The following AQP10 variants were observed in gnomAD, a reference collection of about 807,000 sequenced individuals.
AQP10 encodes the protein aquaporin-10.
Under a neutral mutation model 21.0 loss-of-function variants are expected in AQP10, and 15 were observed. The observed-to-expected ratio is 0.71, with a 90% CI of 0.48 to 1.10. The LOEUF (loss-of-function observed/expected upper bound fraction) is 1.10. Among genes scored for constraint, AQP10 ranks in the 50% least tolerant of loss-of-function variants. The probability of loss-of-function intolerance (pLI) is 0.00; values close to 1 mark genes in which losing one functional copy is unlikely to be tolerated. For missense variants in AQP10, 268 were observed against 379.5 expected, an observed-to-expected ratio of 0.71 and a Z score of 2.44; for synonymous variants, 143 against 155.7, an observed-to-expected ratio of 0.92 and a Z score of 0.61.
chr1:154,324,363 G>C lies in AQP10; in HGVS notation c.789G>C (p.Leu263Phe). The change falls in exon 6 of 6, where the codon TTG (leucine) becomes TTC (phenylalanine). Residue 263 changes from leucine to phenylalanine, a missense_variant. This residue lies in a region of AQP10 where 229 missense variants were observed against 295.1 expected (regional missense o/e 0.78). Coordinates refer to ENST00000324978, the MANE Select transcript of AQP10 (RefSeq NM_080429.3). ...ATVGTATYQLLVALHHPEGPE... is the reference protein window; with the variant it reads ...ATVGTATYQLFVALHHPEGPE... ...TTGGCACAGCCACTTACCAGCTGTT[G>C]GTGGCTCTGCACCACCCTGAGGGCC... is the stretch of plus-strand genomic sequence containing the variant. The C allele has an allele frequency of 6.2e-7, 1 of 1,611,808 alleles. No individual in the cohort carries two copies. Among genetic ancestry groups the C allele is most frequent in the African/African-American group, 1.3e-5 (1 of 74,950 alleles).
In AQP10 at chr1:154,323,399, C is replaced by T. The variant is rs1354424794; in HGVS notation, c.489+40C>T. On this transcript the variant is annotated intron_variant, in intron 4 of 5. Coordinates refer to ENST00000324978, the MANE Select transcript of AQP10 (RefSeq NM_080429.3). This position sits in a 1 kb window ranked among gnomAD's most constrained non-coding sequence, Gnocchi z 4.5. ...GAGACCTGGGGACACTACTTTGGTC[C>T]TGTTCCTCGGCACCCCAGCCTATTG... The T allele has an allele frequency of 6.3e-7, 1 of 1,591,304 alleles. No homozygotes were observed. Among genetic ancestry groups the T allele is most frequent in the Non-Finnish European group, 8.6e-7 (1 of 1,161,314 alleles).
Position 154,324,474 on chromosome 1 carries a change from GC to G in AQP10, c.901del (p.Leu301TyrfsTer3). ...PASAQMLECK[L>X] ...CCTCAGCTCAGATGCTGGAGTGTAA[GC>G]TATGATTAGGACAACCCTCACTTCA... On this transcript the variant is annotated frameshift_variant, in exon 6 of 6. Coordinates refer to ENST00000324978, the MANE Select transcript of AQP10 (RefSeq NM_080429.3). LOFTEE classifies it high-confidence loss of function. 1 of 1,613,240 alleles carries G rather than the reference GC, an allele frequency of 6.2e-7. No individual in the cohort carries two copies. The highest frequency in any genetic ancestry group is 8.5e-7 in the Non-Finnish European group (1 of 1,179,778).
In AQP10 at chr1:154,323,803, TC is replaced by T; in HGVS notation, c.705del (p.Phe235LeufsTer69). On this transcript the variant is annotated frameshift_variant and splice_region_variant, in exon 5 of 6. Coordinates refer to ENST00000324978, the MANE Select transcript of AQP10 (RefSeq NM_080429.3). LOFTEE classifies it low-confidence loss of function (END_TRUNC). The surrounding 1 kb of genome is among the most constrained non-coding windows in gnomAD (Gnocchi z 4.5). ...GTGGCTGGCTGGGGTCCTGAAGTCT[TC>T]AGGTGGGAGACAGACTCTCCTGGTG... ...TYVAGWGPEVFSAGNGWWWVP... is the reference protein window; with the variant it reads ...TYVAGWGPEVXSAGNGWWWVP... 1.9e-6 allele frequency: 3 copies of T among 1,613,952 alleles called. No homozygotes were observed. The highest frequency in any genetic ancestry group is 2.5e-6 in the Non-Finnish European group (3 of 1,179,898).
chr1:154,321,803 T>C, intron 1 of AQP10, 130 bp from the exon 2 acceptor site: 6 of 1,212,502 alleles, frequency 4.9e-6, no homozygotes, highest in Non-Finnish European at 5.8e-6. Context: ...CTTCCCTCCT[T>C]CTGCTTTTCT....
chr1:154,321,380 G>A (rs1223600648), intron 1 of AQP10, 120 bp downstream of exon 1: 7 of 661,008 alleles, frequency 1.1e-5, no homozygotes, highest in East Asian at 6.2e-5. Flanking sequence ...ATCACTTTTC[G>A]TTTTTATCCT....
chr1:154,323,961 G>A lies in AQP10; in HGVS notation c.707+155G>A. The A allele has an allele frequency of 6.8e-7, 1 of 1,460,438 alleles. No individual in the cohort carries two copies. The highest frequency in any genetic ancestry group is 9.1e-7 in the Non-Finnish European group (1 of 1,104,332). The allele number at this position is 1,460,438 out of a possible 1,614,324, so 90.5% of individuals were successfully genotyped here. ...GTCATATTCTCCCCCTTTCTCCCTT[G>A]CTTCCCTCCCAACTTTTCACTGAAA... On this transcript the variant is annotated intron_variant, in intron 5 of 5. Coordinates refer to ENST00000324978, the MANE Select transcript of AQP10 (RefSeq NM_080429.3). The surrounding 1 kb of genome is among the most constrained non-coding windows in gnomAD (Gnocchi z 4.5).
At chr1:154,322,943 A>T in intron 2 of AQP10, 39 bp from the exon 3 acceptor site, 1 of 1,613,466 alleles carries the variant, frequency 6.2e-7, no homozygotes. Flanking sequence ...TGGCAGTGAC[A>T]CTTAATAGAT....
rs772472650 is a variant in AQP10, at chr1:154,321,177, G to A, written c.22G>A (p.Ala8Thr). MVFTQAP[A>T]EIMGHLRIRS... The stretch of plus-strand genomic sequence containing the variant: ...CACCATGGTCTTCACTCAGGCCCCG[G>A]CTGAAATCATGGGCCACCTCCGGAT... Residue 8 changes from alanine to threonine, a missense_variant, in exon 1 of 6, where the codon GCT becomes ACT. Coordinates refer to ENST00000324978, the MANE Select transcript of AQP10 (RefSeq NM_080429.3). 1.2e-6 allele frequency: 2 copies of A among 1,613,698 alleles called. No homozygotes were observed. The highest frequency in any genetic ancestry group is 1.1e-5 in the South Asian group (1 of 91,010).
rs1326252595 is a variant in AQP10 at position 154,323,881 on chromosome 1, C to A, written c.707+75C>A. 1 of 1,563,180 alleles carries A rather than the reference C, an allele frequency of 6.4e-7. No homozygotes were observed. Among genetic ancestry groups the A allele is most frequent in the African/African-American group, 1.4e-5 (1 of 73,412 alleles). ...AAGGGCTCTGTCCCTGGGTCCACAG[C>A]ACTCTGCCTTTAAAATAGCTCTCTT... On this transcript the variant is annotated intron_variant, in intron 5 of 5. Coordinates refer to ENST00000324978, the MANE Select transcript of AQP10 (RefSeq NM_080429.3). The surrounding 1 kb of genome is among the most constrained non-coding windows in gnomAD (Gnocchi z 4.5).
intron 2 of AQP10, among the ~76,000 whole-genome samples, chr1:154,322,744 T>C (rs374893760): frequency 6.6e-6 from 1 of 152,204 alleles, no homozygotes; most frequent in East Asian, 1.9e-4. Flanking sequence ...AGTGATCCAC[T>C]GCCTCGGCCT....
Position 154,323,534 on chromosome 1 carries a change from G to T in AQP10, c.490-55G>T. The T allele has an allele frequency of 6.4e-7, 1 of 1,573,294 alleles. No individual in the cohort carries two copies. On this transcript the variant is annotated intron_variant, in intron 4 of 5. Coordinates refer to ENST00000324978, the MANE Select transcript of AQP10 (RefSeq NM_080429.3). This position sits in a 1 kb window ranked among gnomAD's most constrained non-coding sequence, Gnocchi z 4.5. ...ACATGGAATATTTGGATGAGAGAGG[G>T]CAGATGGAGCACCTGGCAGCTGACA...
chr1:154,323,233 C>T lies in AQP10; in HGVS notation c.371-8C>T, dbSNP rs201073653. The T allele has an allele frequency of 3.1e-4, 503 of 1,613,868 alleles. 2 individuals carry two copies. Among genetic ancestry groups the T allele is most frequent in the Non-Finnish European group, 2.2e-4 (263 of 1,179,760 alleles). On this transcript the variant is annotated splice_region_variant and splice_polypyrimidine_tract_variant and intron_variant, in intron 3 of 5. Coordinates refer to ENST00000324978, the MANE Select transcript of AQP10 (RefSeq NM_080429.3). The surrounding 1 kb of genome is among the most constrained non-coding windows in gnomAD (Gnocchi z 4.5). ...GAGGGAAATCCTGGGTGTTCCCTTC[C>T]TCCACAGATGCCCTACAGAACTATA... is the stretch of plus-strand genomic sequence containing the variant.
chr1:154,323,533 G>C lies in AQP10; in HGVS notation c.490-56G>C, dbSNP rs550233622. 2.7e-5 allele frequency: 43 copies of C among 1,572,644 alleles called. No homozygotes were observed. The African/African-American group carries it at 5.0e-4, about 18-fold the overall frequency. ...GACATGGAATATTTGGATGAGAGAGGGCAGATGGAGCACCTGGCAGCTGAC... is the reference window on the plus strand; with the variant it reads ...GACATGGAATATTTGGATGAGAGAGCGCAGATGGAGCACCTGGCAGCTGAC... On this transcript the variant is annotated intron_variant, in intron 4 of 5. Transcript: ENST00000324978. The surrounding 1 kb of genome is among the most constrained non-coding windows in gnomAD (Gnocchi z 4.5).
Position 154,324,149 on chromosome 1 carries a change from G to T in AQP10, c.708-133G>T, listed in dbSNP as rs928942662. On this transcript the variant is annotated intron_variant, in intron 5 of 5. Transcript: ENST00000324978. ...TCTAAATACTATGCTTTGGTGACAAGGCAATCCTCTTCCTGGTGTCTACCA... is the reference window on the plus strand; with the variant it reads ...TCTAAATACTATGCTTTGGTGACAATGCAATCCTCTTCCTGGTGTCTACCA... The T allele has an allele frequency of 2.2e-5, 24 of 1,101,694 alleles. No individual in the cohort carries two copies. In the African/African-American group the frequency reaches 3.3e-4, roughly 15 times the overall value. 68.2% of individuals were successfully genotyped at this position (1,101,694 alleles called of 1,614,324 possible).
Position 154,324,932 on chromosome 1 carries a change from C to T in AQP10, c.*452C>T. ...TCCCACCTTCACCCTCTCGGGGATG[C>T]CTCCCCAAGAGGGTAGTTAGGGGTG... On this transcript the variant is annotated 3_prime_UTR_variant, in exon 6 of 6. Transcript: ENST00000324978. 6.5e-6 allele frequency: 1 copy of T among 152,688 alleles called. No individual in the cohort carries two copies. Among genetic ancestry groups the T allele is most frequent in the Non-Finnish European group, 1.5e-5 (1 of 68,300 alleles). The allele number at this position is 152,688 out of a possible 1,614,324, so 9.5% of individuals were successfully genotyped here.
Position 154,323,983 on chromosome 1 carries a change from G to A in AQP10, c.707+177G>A. 2 of 1,451,960 alleles carry A rather than the reference G, an allele frequency of 1.4e-6. No individual in the cohort carries two copies. The highest frequency in any genetic ancestry group is 1.8e-6 in the Non-Finnish European group (2 of 1,102,160). 89.9% of individuals were successfully genotyped at this position (1,451,960 alleles called of 1,614,324 possible). A position where few individuals can be genotyped will look rare whatever the true frequency, so the allele number is the denominator to read the frequency against. ...CTTGCTTCCCTCCCAACTTTTCACT[G>A]AAACAGTAAGATTTAGAGGTTGTGT... On this transcript the variant is annotated intron_variant, in intron 5 of 5. Coordinates refer to ENST00000324978, the MANE Select transcript of AQP10 (RefSeq NM_080429.3). The surrounding 1 kb of genome is among the most constrained non-coding windows in gnomAD (Gnocchi z 4.5).
At position 154,323,291 on chromosome 1, in the gene AQP10, G is replaced by C. The variant is rs1232986569; in HGVS notation, c.421G>C (p.Glu141Gln). 1.2e-6 allele frequency: 2 copies of C among 1,614,044 alleles called. No individual in the cohort carries two copies. Among genetic ancestry groups the C allele is most frequent in the Non-Finnish European group, 1.7e-6 (2 of 1,180,042 alleles). Residue 141 changes from glutamate (E) to glutamine (Q), a missense_variant, in exon 4 of 6, where the codon GAG (glutamate) becomes CAG (glutamine). Coordinates refer to ENST00000324978, the MANE Select transcript of AQP10 (RefSeq NM_080429.3). This position sits in a 1 kb window ranked among gnomAD's most constrained non-coding sequence, Gnocchi z 4.5. Reference protein sequence around the residue: ...GGNLTVTGPKETASIFATYPA... With the variant: ...GGNLTVTGPKQTASIFATYPA... The stretch of plus-strand genomic sequence containing the variant: ...GAACCTGACAGTGACTGGCCCCAAG[G>C]AGACAGCCTCCATTTTTGCCACCTA...
intron 2 of AQP10, among the ~76,000 whole-genome samples, chr1:154,322,489 C>CTTTTTTTTTTT (rs5777905): frequency 8.5e-6 from 1 of 117,858 alleles, no homozygotes; most frequent in Non-Finnish European, 1.7e-5. Context: ...GTGTCTTCTT[C>CTTTTTTTTTTT]TTTTTTTTTT....
At position 154,324,495 on chromosome 1, in the gene AQP10, A is replaced by G. The variant is rs1313567405; in HGVS notation, c.*15A>G. The G allele has an allele frequency of 6.2e-7, 1 of 1,610,512 alleles. No homozygotes were observed. The highest frequency in any genetic ancestry group is 8.5e-7 in the Non-Finnish European group (1 of 1,178,460). On this transcript the variant is annotated 3_prime_UTR_variant, in exon 6 of 6. Transcript: ENST00000324978. The stretch of plus-strand genomic sequence containing the variant: ...GTAAGCTATGATTAGGACAACCCTC[A>G]CTTCACTCATGGACCCTGGAGCCAG...
Sources: gnomAD v4.1 joint callset for allele counts (sites outside exome capture counted in the v4.1 genomes callset) on GRCh38, gnomAD v4.1.1 for gene constraint, gnomAD v4.1.1 regional missense constraint, Gnocchi (gnomAD v3.1) non-coding constraint, MANE v1.5 for transcripts, NCBI Gene and HGNC (gene_info 2026-07-23, HGNC 2026-07-21) for gene names.